VGLL4: variants seen among roughly 807,000 people sequenced by gnomAD.
The protein encoded by VGLL4 is transcription cofactor vestigial-like protein 4.
VGLL4 carries 7 observed loss-of-function variants against 21.0 expected under a neutral mutation model. The ratio of observed to expected loss-of-function variants is 0.33; its 90% CI spans 0.19 to 0.63. VGLL4 has a LOEUF of 0.63. VGLL4 is among the 20% of genes least tolerant of loss of function. The probability of loss-of-function intolerance (pLI) is 0.78; values close to 1 mark genes in which losing one functional copy is unlikely to be tolerated. For synonymous variants in VGLL4, 222 were observed against 173.2 expected (o/e 1.28, Z -2.21); for missense variants, 394 against 425.7 (o/e 0.93, Z 0.66).
chr3:11,691,088 T>C (rs929404774), intron 2 of VGLL4, among the ~76,000 whole-genome samples: 2 of 151,940 alleles, frequency 1.3e-5, no homozygotes, highest in African/African-American at 4.8e-5. Context: ...ATCCCACTTT[T>C]TCAGCTCTTA....
chr3:11,673,868 C>T (rs985119270), intron 2 of VGLL4, among the ~76,000 whole-genome samples: 2 of 151,922 alleles, frequency 1.3e-5, no homozygotes, highest in Admixed American at 1.3e-4. Flanking sequence ...ACAAAATTAG[C>T]TGGGCGTGGT....
At chr3:11,613,037 T>G (rs1448442679) in intron 1 of VGLL4, among the ~76,000 whole-genome samples, 2 of 151,756 alleles carry the variant, frequency 1.3e-5, no homozygotes, top group Non-Finnish European at 2.9e-5. Flanking sequence ...TATAAATGTT[T>G]AGAAGGAGTA....
At chr3:11,577,764 GT>G (rs1397684844) in intron 2 of VGLL4, among the ~76,000 whole-genome samples, 4 of 152,182 alleles carry the variant, frequency 2.6e-5, no homozygotes, top group African/African-American at 9.7e-5. Flanking sequence ...CTTCCTAAAG[GT>G]TCTCCCTCCT....
intron 3 of VGLL4, among the ~76,000 whole-genome samples, chr3:11,562,355 G>A (rs2073098782): frequency 6.6e-6 from 1 of 152,068 alleles, no homozygotes. Context: ...GAACTTTCCT[G>A]TCCCAGTTCC....
At position 11,564,836 on chromosome 3, in the gene VGLL4, G is replaced by C; in HGVS notation, c.456C>G (p.Ala152=). Residue 152 remains alanine (A), a synonymous_variant, in exon 3 of 5, where the codon GCC becomes GCG. Transcript: ENST00000430365. ...TKNSLDASRP[A]GLSPTLTPGE... ...CCGGGGTCAGTGTGGGCGAGAGGCCGGCTGGCCTGCTGGCGTCCAGGCTGT... is the reference window on the plus strand; with the variant it reads ...CCGGGGTCAGTGTGGGCGAGAGGCCCGCTGGCCTGCTGGCGTCCAGGCTGT... The C allele has an allele frequency of 6.3e-7, 1 of 1,597,778 alleles. No individual in the cohort carries two copies. Among genetic ancestry groups the C allele is most frequent in the Non-Finnish European group, 8.5e-7 (1 of 1,173,602 alleles).
chr3:11,632,310 C>T lies in VGLL4; in HGVS notation c.82+11127G>A, dbSNP rs895115683. 5.4e-5 allele frequency among the ~76,000 whole-genome samples: 3 copies of T among 55,396 alleles called. No homozygotes were observed. In the Admixed American group the frequency reaches 5.7e-4, roughly 11 times the overall value. 36.3% of individuals were successfully genotyped at this position (55,396 alleles called of 152,430 possible). A position where few individuals can be genotyped will look rare whatever the true frequency, so the allele number is the denominator to read the frequency against. ...CCTGGGTGACAGAGCAACACTCTGT[C>T]TCAAAAATAAAAAAAAAATAAAATA... On this transcript the variant is annotated intron_variant, in intron 1 of 4. Coordinates refer to ENST00000430365, the MANE Select transcript of VGLL4 (RefSeq NM_001128219.3).
chr3:11,564,676 CCCTCCCTCACCA>C, intron 3 of VGLL4, 109 bp downstream of exon 3: 5 of 1,214,540 alleles, frequency 4.1e-6, no homozygotes, highest in African/African-American at 3.6e-5. Context: ...CTCACCACCT[CCCTCCCTCACCA>C]CCTCCCTCCC....
intron 1 of VGLL4, among the ~76,000 whole-genome samples, chr3:11,706,807 G>C (rs1351613121): frequency 6.6e-6 from 1 of 152,142 alleles, no homozygotes; most frequent in Non-Finnish European, 1.5e-5. Flanking sequence ...GCAGGAATGA[G>C]CACCTGGGAC....
upstream of VGLL4, among the ~76,000 whole-genome samples, chr3:11,647,198 C>T (rs1212081900): frequency 6.6e-6 from 1 of 152,134 alleles, no homozygotes; most frequent in African/African-American, 2.4e-5. Flanking sequence ...TCCATCCCAG[C>T]TCCTGACAAC....
chr3:11,663,162 G>A (rs896251591), intron 2 of VGLL4, among the ~76,000 whole-genome samples: 18 of 152,064 alleles, frequency 1.2e-4, no homozygotes, highest in Admixed American at 1.2e-3. Flanking sequence ...TAGAATATAC[G>A]AGTGAAAAGA....
At chr3:11,606,285 C>A (rs947163253) in intron 1 of VGLL4, among the ~76,000 whole-genome samples, 1 of 152,174 alleles carries the variant, frequency 6.6e-6, no homozygotes, top group African/African-American at 2.4e-5. Flanking sequence ...ATGGGAGCTA[C>A]AATTCAAGAT....
chr3:11,659,326 C>CT (rs5846714), intron 2 of VGLL4, among the ~76,000 whole-genome samples: 1,183 of 70,784 alleles, frequency 0.017, 27 homozygotes, highest in Middle Eastern at 0.053. Context: ...TTTTCTTTTT[C>CT]TTTTTTTTTT....
chr3:11,673,478 A>G (rs757088993), intron 2 of VGLL4, among the ~76,000 whole-genome samples: 2 of 152,158 alleles, frequency 1.3e-5, no homozygotes, highest in East Asian at 3.8e-4. Flanking sequence ...AAAACTGAAA[A>G]GTACAATTGC....
chr3:11,575,834 A>G (rs2004837), intron 2 of VGLL4, among the ~76,000 whole-genome samples: 139,244 of 152,220 alleles, frequency 0.91, 63,869 homozygotes, highest in African/African-American at 0.98. Flanking sequence ...CCCATATCCA[A>G]TTCCAGCATT....
chr3:11,613,204 C>A (rs1357577444), intron 1 of VGLL4, among the ~76,000 whole-genome samples: 1 of 152,108 alleles, frequency 6.6e-6, no homozygotes, highest in Non-Finnish European at 1.5e-5. Context: ...TAAAAATACT[C>A]AAAAAACTTC....
chr3:11,640,870 C>T (rs1282673647), intron 1 of VGLL4, among the ~76,000 whole-genome samples: 2 of 152,132 alleles, frequency 1.3e-5, no homozygotes, highest in East Asian at 1.9e-4. Context: ...GTAATCCCAG[C>T]ACTTTGGGAG....
intron 2 of VGLL4, among the ~76,000 whole-genome samples, chr3:11,665,570 G>A (rs895645754): frequency 2.0e-5 from 3 of 152,226 alleles, no homozygotes; most frequent in African/African-American, 4.8e-5. Context: ...GAGCAGCTGT[G>A]GGGGAAGAGG....
chr3:11,646,459 A>G (rs2075794548), upstream of VGLL4, among the ~76,000 whole-genome samples: 1 of 152,196 alleles, frequency 6.6e-6, no homozygotes, highest in Admixed American at 6.5e-5. Flanking sequence ...TGCATCCCCA[A>G]CTCATCTGAG....
rs182511636 is a variant in VGLL4, at chr3:11,663,367, A to G, written c.64+39604T>C. On this transcript the variant is annotated intron_variant, in intron 2 of 5. Transcript: ENST00000273038. ...TAAAGAAAACAGAAGTGAAAATCAG[A>G]ACAAATTCATCCAATTCAGTTCTCA... 2.6e-5 allele frequency among the ~76,000 whole-genome samples: 4 copies of G among 152,364 alleles called. No homozygotes were observed. In the East Asian group the frequency reaches 7.7e-4, roughly 29 times the overall value.
Sources: allele counts gnomAD v4.1 joint callset (sites outside exome capture counted in the v4.1 genomes callset), GRCh38; gene constraint gnomAD v4.1.1; transcripts MANE v1.5; gene names NCBI Gene and HGNC (gene_info 2026-07-23, HGNC 2026-07-21).